Variants in ZFAT observed in about 807,000 individuals in gnomAD.
ZFAT encodes zinc finger protein ZFAT.
A neutral mutation model predicts 117.7 loss-of-function variants in ZFAT; 64 were observed. The ratio of observed to expected loss-of-function variants is 0.54; its 90% confidence interval spans 0.44 to 0.67. The LOEUF (loss-of-function observed/expected upper bound fraction) is 0.67. ZFAT is among the 30% of genes least tolerant of loss of function. The probability of loss-of-function intolerance (pLI) is 0.00; values close to 1 mark genes in which losing one functional copy is unlikely to be tolerated. For missense variants in ZFAT, 1,433 were observed against 1,584.5 expected (o/e 0.90, Z 1.62); for synonymous variants, 679 against 615.0 (o/e 1.10, Z -1.54).
chr8:134,685,865 G>A (rs989436783), intron 1 of ZFAT, among the ~76,000 whole-genome samples: 3 of 152,162 alleles, frequency 2.0e-5, no homozygotes, highest in Non-Finnish European at 2.9e-5. Flanking sequence ...TGCCTTCCCC[G>A]TCACCCCACT....
intron 7 of ZFAT, among the ~76,000 whole-genome samples, chr8:134,597,377 C>A (rs1398391618): frequency 6.6e-6 from 1 of 152,186 alleles, no homozygotes; most frequent in Non-Finnish European, 1.5e-5. Context: ...AATTCAATAA[C>A]CTGGAGTAAA....
intron 2 of ZFAT, among the ~76,000 whole-genome samples, chr8:134,655,019 C>T (rs1409629509): frequency 6.6e-6 from 1 of 152,164 alleles, no homozygotes; most frequent in Admixed American, 6.5e-5. Flanking sequence ...TGAGTCCCAG[C>T]CACATACAGG....
chr8:134,485,067 G>C lies in ZFAT; in HGVS notation c.3493-6346C>G, dbSNP rs1014764701. Among the ~76,000 whole-genome samples the C allele has an allele frequency of 1.3e-4, 20 of 152,166 alleles. 2 individuals are homozygous for C. Among genetic ancestry groups the C allele is most frequent in the Admixed American group, 1.1e-3 (17 of 15,282 alleles). On this transcript the variant is annotated intron_variant, in intron 15 of 15. Coordinates refer to ENST00000377838, the MANE Select transcript of ZFAT (RefSeq NM_020863.4). Reference sequence around the variant, plus strand: ...AAGTGCTTGTTGTGGGTCAGGTGCTGTGTGAAGAGTCTACGTGTATTAGGT... The same window carrying C: ...AAGTGCTTGTTGTGGGTCAGGTGCTCTGTGAAGAGTCTACGTGTATTAGGT...
chr8:134,761,816 C>T, the ZFAT span, among the ~76,000 whole-genome samples: 4 of 152,108 alleles, frequency 2.6e-5, no homozygotes, highest in Non-Finnish European at 4.4e-5. Flanking sequence ...ACAATATGCA[C>T]TTATTTTTCT....
At chr8:134,598,587 A>C (rs997330720) in intron 7 of ZFAT, 1 of 152,298 alleles carries the variant, frequency 6.6e-6, no homozygotes, top group African/African-American at 2.4e-5. Context: ...TAAGAAAATC[A>C]CTGGGCTGAA....
chr8:134,500,397 A>C (rs1017046399), intron 15 of ZFAT, among the ~76,000 whole-genome samples: 9 of 152,250 alleles, frequency 5.9e-5, no homozygotes, highest in African/African-American at 2.2e-4. Flanking sequence ...TGGATAGATG[A>C]GCATACTCAG....
chr8:134,801,613 C>A, the ZFAT span, among the ~76,000 whole-genome samples: 4 of 152,130 alleles, frequency 2.6e-5, no homozygotes, highest in Non-Finnish European at 4.4e-5. Context: ...AACCATACTG[C>A]TTTTCTGTTT....
the ZFAT span, among the ~76,000 whole-genome samples, chr8:134,753,973 CTTTG>C: frequency 6.6e-6 from 1 of 152,220 alleles, no homozygotes; most frequent in Non-Finnish European, 1.5e-5. Flanking sequence ...ACAAAGTAGC[CTTTG>C]TTTGTCCCAG....
chr8:134,478,442 T>TG lies in ZFAT; in HGVS notation c.*39dup. On this transcript the variant is annotated 3_prime_UTR_variant, in exon 16 of 16. Transcript: ENST00000377838. The surrounding 1 kb of genome is among the most constrained non-coding windows in gnomAD (Gnocchi z 5.2). ...CCCCACCCTGGGTGCCTGCAGAGCC[T>TG]GGCAGCCCCGCCCTGTGGCCATCCG... 6.5e-7 allele frequency: 1 copy of TG among 1,537,612 alleles called. No individual in the cohort carries two copies. The highest frequency in any genetic ancestry group is 8.8e-7 in the Non-Finnish European group (1 of 1,138,266).
the ZFAT span, among the ~76,000 whole-genome samples, chr8:134,722,566 G>A: frequency 2.6e-5 from 4 of 152,176 alleles, no homozygotes; most frequent in African/African-American, 7.2e-5. Context: ...GAAACGATCC[G>A]TGGTGTCACC....
intron 3 of ZFAT, among the ~76,000 whole-genome samples, chr8:134,626,225 G>T (rs1248973889): frequency 1.3e-5 from 2 of 152,166 alleles, no homozygotes; most frequent in African/African-American, 4.8e-5. Context: ...CAGGACTGGA[G>T]GTTTGAATTC....
intron 11 of ZFAT, among the ~76,000 whole-genome samples, chr8:134,555,034 A>G (rs1426572999): frequency 6.6e-6 from 1 of 152,196 alleles, no homozygotes; most frequent in Non-Finnish European, 1.5e-5. Flanking sequence ...CTCAGTATAT[A>G]GTCATACTCA....
At chr8:134,613,240 G>A (rs1057313433) in intron 3 of ZFAT, among the ~76,000 whole-genome samples, 1 of 152,208 alleles carries the variant, frequency 6.6e-6, no homozygotes, top group South Asian at 2.1e-4. Flanking sequence ...GAACTTGCCA[G>A]AAGCTCAACC....
chr8:134,575,211 T>C (rs781319655), intron 10 of ZFAT, among the ~76,000 whole-genome samples: 1 of 152,140 alleles, frequency 6.6e-6, no homozygotes, highest in African/African-American at 2.4e-5. Context: ...AACCTATACA[T>C]GCTATCATAT....
rs144002982 is a variant in ZFAT, at chr8:134,600,505, G to A, written c.2406C>T (p.Thr802=). The A allele has an allele frequency of 3.4e-5, 55 of 1,614,184 alleles. No homozygotes were observed. Among genetic ancestry groups the A allele is most frequent in the South Asian group, 2.5e-4 (23 of 91,084 alleles). ...KHSNILLKCP[T]DGCDYSTPDK... Reference sequence around the variant, plus strand: ...CTGGAGTTGAGTAGTCACAGCCATCGGTGGGACACTTCAGCAAGATGTTAC... The same window carrying A: ...CTGGAGTTGAGTAGTCACAGCCATCAGTGGGACACTTCAGCAAGATGTTAC... The change falls in exon 7 of 16, where the codon ACC becomes ACT. Residue 802 remains threonine (T), a synonymous_variant. Coordinates refer to ENST00000377838, the MANE Select transcript of ZFAT (RefSeq NM_020863.4).
chr8:134,589,113 T>C (rs142916772), intron 8 of ZFAT, among the ~76,000 whole-genome samples: 2 of 152,358 alleles, frequency 1.3e-5, no homozygotes, highest in East Asian at 3.9e-4. Flanking sequence ...CTGTGTGCTC[T>C]TGTATTTTGG....
At position 134,658,599 on chromosome 8, in the gene ZFAT, T is replaced by C. The variant is rs578252690; in HGVS notation, c.20-862A>G. On this transcript the variant is annotated intron_variant, in intron 1 of 15. Transcript: ENST00000377838. ...CCAATAGTTCATTATGTTCATCTCA[T>C]TATACTAGGCAGGAAGACATAATAA... Among the ~76,000 whole-genome samples, 213 of 152,322 alleles carry C rather than the reference T, an allele frequency of 1.4e-3. 1 individual carries two copies. Among genetic ancestry groups the C allele is most frequent in the Non-Finnish European group, 2.8e-3 (190 of 68,026 alleles).
upstream of ZFAT, among the ~76,000 whole-genome samples, chr8:134,713,760 C>T (rs1384871784): frequency 6.6e-6 from 1 of 152,114 alleles, no homozygotes; most frequent in Non-Finnish European, 1.5e-5. Flanking sequence ...ACACTGTAGT[C>T]CTCGGCTCAA....
At chr8:134,681,860 T>C (rs569453073) in intron 1 of ZFAT, among the ~76,000 whole-genome samples, 1 of 152,340 alleles carries the variant, frequency 6.6e-6, no homozygotes, top group South Asian at 2.1e-4. Context: ...TAAAGCCAGA[T>C]TGCTGTCACA....
Sources: gnomAD v4.1 joint callset for allele counts (sites outside exome capture counted in the v4.1 genomes callset) on GRCh38, gnomAD v4.1.1 for gene constraint, Gnocchi (gnomAD v3.1) non-coding constraint, MANE v1.5 for transcripts, NCBI Gene and HGNC (gene_info 2026-07-23, HGNC 2026-07-21) for gene names.